RCN2: variants seen among roughly 807,000 people sequenced by gnomAD.
The protein encoded by RCN2 is reticulocalbin-2.
Under a neutral mutation model 37.5 loss-of-function variants are expected in RCN2, and 23 were observed. That is an observed-to-expected ratio of 0.61 (90% CI 0.44 to 0.87). RCN2 has a LOEUF of 0.87. Ranked by LOEUF, RCN2 falls within the 40% of genes least tolerant of loss-of-function variation. RCN2 has a pLI of 0.00. For missense variants in RCN2, 381 were observed against 390.4 expected (o/e 0.98, Z 0.20); for synonymous variants, 140 against 144.6 (o/e 0.97, Z 0.23).
chr15:76,944,047 C>T (rs2075286521), intron 4 of RCN2, among the ~76,000 whole-genome samples, 176 bp downstream of exon 4: 1 of 126,020 alleles, frequency 7.9e-6, no homozygotes, highest in Non-Finnish European at 1.6e-5. Flanking sequence ...GGCTGGAGTG[C>T]AGTGGGGCGA....
intron 2 of RCN2, among the ~76,000 whole-genome samples, chr15:76,933,009 A>G (rs2075231217): frequency 6.6e-6 from 1 of 152,202 alleles, no homozygotes; most frequent in Admixed American, 6.5e-5. Flanking sequence ...GCCTTCTACA[A>G]ATAAGTGGCA....
At chr15:76,939,934 T>C (rs973263139) in intron 3 of RCN2, among the ~76,000 whole-genome samples, 1 of 152,186 alleles carries the variant, frequency 6.6e-6, no homozygotes, top group Non-Finnish European at 1.5e-5. Context: ...TCATAAATTG[T>C]TTATGAACAG....
chr15:76,932,225 AG>A, intron 1 of RCN2, 135 bp from the exon 2 acceptor site: 1 of 755,766 alleles, frequency 1.3e-6, no homozygotes, highest in South Asian at 1.7e-5. Context: ...TGTAGGGGGT[AG>A]GGGCCTTGAA....
In RCN2 at chr15:76,949,123, A is replaced by G. The variant is rs1165619924; in HGVS notation, c.855A>G (p.Glu285=). The change falls in exon 7 of 7, where the codon GAA becomes GAG. Residue 285 remains glutamate (E), a synonymous_variant. Transcript: ENST00000394885. ...MDLNGDKKLS[E]EEILENPDLF... is the part of the protein sequence containing the mutation. ...TGAATGGTGACAAAAAGCTCTCTGA[A>G]GAAGAGATTCTGGAAAACCCGGACT... The G allele has an allele frequency of 1.9e-6, 3 of 1,613,176 alleles. No individual in the cohort carries two copies. Among genetic ancestry groups the G allele is most frequent in the East Asian group, 2.2e-5 (1 of 44,852 alleles).
intron 2 of RCN2, among the ~76,000 whole-genome samples, chr15:76,933,371 A>G (rs2075233119): frequency 6.6e-6 from 1 of 152,210 alleles, no homozygotes; most frequent in Non-Finnish European, 1.5e-5. Context: ...TGTCAATGAC[A>G]TATTCACATT....
rs543915931 is a variant in RCN2, at chr15:76,952,355, C to T, written c.*3133C>T. 6.6e-6 allele frequency: 1 copy of T among 151,696 alleles called. No homozygotes were observed. Among genetic ancestry groups the T allele is most frequent in the East Asian group, 1.9e-4 (1 of 5,178 alleles). 9.4% of individuals were successfully genotyped at this position (151,696 alleles called of 1,614,324 possible). A position where few individuals can be genotyped will look rare whatever the true frequency, so the allele number is the denominator to read the frequency against. On this transcript the variant is annotated 3_prime_UTR_variant, in exon 7 of 7. Transcript: ENST00000394885. ...TTGCCCTAAAGTCTTTCTGCTCCAC[C>T]TATTCATCCCTCCCTTCCCTGTAAC...
At chr15:76,946,055 C>T (rs999199951) in intron 4 of RCN2, among the ~76,000 whole-genome samples, 1 of 152,182 alleles carries the variant, frequency 6.6e-6, no homozygotes, top group African/African-American at 2.4e-5. Flanking sequence ...TAATGTGATA[C>T]GGCCCAGAGT....
Position 76,953,553 on chromosome 15 carries a change from TTCTATATATATATA to T in RCN2, c.*4333_*4346del, listed in dbSNP as rs1160180806. 23 of 77,528 alleles carry T rather than the reference TTCTATATATATATA, an allele frequency of 3.0e-4. No individual in the cohort carries two copies. The highest frequency in any genetic ancestry group is 1.2e-3 in the African/African-American group (22 of 17,878). 4.8% of individuals were successfully genotyped at this position (77,528 alleles called of 1,614,324 possible). On this transcript the variant is annotated 3_prime_UTR_variant, in exon 7 of 7. Transcript: ENST00000394885. ...GTGGGATTGCTGGATCATATAGTAA[TTCTATATATATATA>T]TATATATATATATATATATATATAT... is the stretch of plus-strand genomic sequence containing the variant.
In RCN2 at chr15:76,946,624, C is replaced by T. The variant is rs568897896; in HGVS notation, c.562-797C>T. Among the ~76,000 whole-genome samples, 20 of 152,166 alleles carry T rather than the reference C, an allele frequency of 1.3e-4. No individual in the cohort carries two copies. In the South Asian group the frequency reaches 1.9e-3, roughly 14 times the overall value. ...AAAGTTAGCTGGGTGTGGTGGCATA[C>T]GCCTGTAGTCCCAGCTGCTTTGGAG... On this transcript the variant is annotated intron_variant, in intron 4 of 6. Transcript: ENST00000394885.
In RCN2 at chr15:76,947,537, G is replaced by A. The variant is rs1050107027; in HGVS notation, c.658+20G>A. 7.0e-6 allele frequency: 10 copies of A among 1,437,082 alleles called. No individual in the cohort carries two copies. Among genetic ancestry groups the A allele is most frequent in the African/African-American group, 2.8e-5 (2 of 70,636 alleles). 89.0% of individuals were successfully genotyped at this position (1,437,082 alleles called of 1,614,324 possible). A position where few individuals can be genotyped will look rare whatever the true frequency, so the allele number is the denominator to read the frequency against. On this transcript the variant is annotated intron_variant, in intron 5 of 6. Transcript: ENST00000394885. Reference sequence around the variant, plus strand: ...ATCCAAGTAAGTCACCTGGGAGAATGTGAAAAGAGAAAAGGAATTGAAGAA... The same window carrying A: ...ATCCAAGTAAGTCACCTGGGAGAATATGAAAAGAGAAAAGGAATTGAAGAA...
intron 4 of RCN2, among the ~76,000 whole-genome samples, chr15:76,945,861 AAT>A (rs1178916174): frequency 2.0e-5 from 3 of 152,206 alleles, no homozygotes; most frequent in South Asian, 4.1e-4. Flanking sequence ...ATTGGCACAG[AAT>A]ACATGACCCA....
intron 3 of RCN2, among the ~76,000 whole-genome samples, chr15:76,935,973 G>A (rs2075245775): frequency 6.6e-6 from 1 of 151,988 alleles, no homozygotes. Flanking sequence ...CTCATTTCCA[G>A]AGTTGCTTTT....
rs1385859789 is a variant in RCN2 at position 76,933,784 on chromosome 15, AC to A, written c.250+1319del. 2.0e-5 allele frequency among the ~76,000 whole-genome samples: 3 copies of A among 152,304 alleles called. No individual in the cohort carries two copies. In the East Asian group the frequency reaches 5.8e-4, roughly 29 times the overall value. ...ACTAGAAGAAAGATTCATGGTGCTT[AC>A]GAAAGCCTTCATTCTACTTGAGGAC... On this transcript the variant is annotated intron_variant, in intron 2 of 6. Transcript: ENST00000394885.
chr15:76,940,837 C>A (rs1413350821), intron 3 of RCN2, among the ~76,000 whole-genome samples: 5 of 151,968 alleles, frequency 3.3e-5, no homozygotes, highest in Admixed American at 6.6e-5. Context: ...GCTGAGATTA[C>A]ATGCGTGAAC....
chr15:76,954,334 G>A lies in RCN2; in HGVS notation c.*5112G>A, dbSNP rs566838795. 5.9e-5 allele frequency: 9 copies of A among 152,180 alleles called. No homozygotes were observed. The highest frequency in any genetic ancestry group is 2.2e-4 in the African/African-American group (9 of 41,526). The allele number at this position is 152,180 out of a possible 1,614,324, so 9.4% of individuals were successfully genotyped here. A position where few individuals can be genotyped will look rare whatever the true frequency, so the allele number is the denominator to read the frequency against. ...TTAGAGTAAAAGTTTTTAAACAACT[G>A]TAAAAACTAATTTGCTTCATTGCAA... On this transcript the variant is annotated 3_prime_UTR_variant, in exon 7 of 7. Transcript: ENST00000394885.
chr15:76,943,778 G>A lies in RCN2; in HGVS notation c.468G>A (p.Lys156=). 6.2e-7 allele frequency: 1 copy of A among 1,603,758 alleles called. No individual in the cohort carries two copies. Among genetic ancestry groups the A allele is most frequent in the African/African-American group, 1.3e-5 (1 of 74,712 alleles). The change falls in exon 4 of 7, where the codon AAG becomes AAA. Residue 156 remains lysine, a synonymous_variant. Coordinates refer to ENST00000394885, the MANE Select transcript of RCN2 (RefSeq NM_002902.3). ...CAAAGCTTCACTTAAAGGACAAGAA[G>A]CGATTTGAAAAAGCTAACCAGGATT... The part of the protein sequence containing the change: ...SFRKLHLKDK[K]RFEKANQDSG...
Position 76,949,499 on chromosome 15 carries a change from T to C in RCN2, c.*277T>C. ...ATCTGTTTAGTACTGTATTGTGGAA[T>C]ATTTGAGTTCTATTTCCATACTTGA... On this transcript the variant is annotated 3_prime_UTR_variant, in exon 7 of 7. Transcript: ENST00000394885. 4.5e-6 allele frequency: 1 copy of C among 222,988 alleles called. No homozygotes were observed. The highest frequency in any genetic ancestry group is 8.8e-5 in the East Asian group (1 of 11,382). The allele number at this position is 222,988 out of a possible 1,614,324, so 13.8% of individuals were successfully genotyped here.
intron 2 of RCN2, among the ~76,000 whole-genome samples, chr15:76,934,445 T>G (rs1013764180): frequency 6.6e-6 from 1 of 152,122 alleles, no homozygotes; most frequent in Non-Finnish European, 1.5e-5. Flanking sequence ...CCCAGCCAAA[T>G]AGATTTTTTA....
chr15:76,932,333 C>T (rs776395300), intron 1 of RCN2, 28 bp from the exon 2 acceptor site: 2 of 1,540,972 alleles, frequency 1.3e-6, no homozygotes, highest in African/African-American at 1.4e-5. Context: ...TAATGCTTGG[C>T]CCTCCTGTGT....
Sources: gnomAD v4.1 joint callset for allele counts (sites outside exome capture counted in the v4.1 genomes callset) on GRCh38, gnomAD v4.1.1 for gene constraint, MANE v1.5 for transcripts, NCBI Gene and HGNC (gene_info 2026-07-23, HGNC 2026-07-21) for gene names.